Variants in PTPRD observed in about 807,000 individuals in gnomAD.
PTPRD encodes the protein receptor-type tyrosine-protein phosphatase delta.
A neutral mutation model predicts 214.5 loss-of-function variants in PTPRD; 34 were observed. The ratio of observed to expected loss-of-function variants is 0.16; its 90% CI spans 0.12 to 0.21. PTPRD has a LOEUF of 0.21. Among genes scored for constraint, PTPRD ranks in the 10% least tolerant of loss-of-function variants. PTPRD has a pLI of 1.00. For synonymous variants in PTPRD, 1,128 were observed against 845.7 expected (o/e 1.33, Z -5.79); for missense variants, 2,545 against 2,398.7 (o/e 1.06, Z -1.27).
At chr9:8,595,115 G>A (rs1226429309) in intron 14 of PTPRD, among the ~76,000 whole-genome samples, 5 of 150,458 alleles carry the variant, frequency 3.3e-5, no homozygotes, top group South Asian at 2.1e-4. Flanking sequence ...TGCCCGCCTC[G>A]GCCTCCCAAA....
intron 2 of PTPRD, among the ~76,000 whole-genome samples, chr9:10,396,532 G>A (rs2098173794): frequency 6.6e-6 from 1 of 151,824 alleles, no homozygotes; most frequent in Non-Finnish European, 1.5e-5. Flanking sequence ...TTCAAAACTA[G>A]CTTTAATCCT....
At chr9:9,047,047 C>T (rs976295917) in intron 10 of PTPRD, among the ~76,000 whole-genome samples, 2 of 151,878 alleles carry the variant, frequency 1.3e-5, no homozygotes, top group African/African-American at 4.8e-5. Context: ...GCTATTAAAA[C>T]TGATAAATTC....
intron 3 of PTPRD, among the ~76,000 whole-genome samples, chr9:10,081,793 T>G (rs1229882071): frequency 1.3e-5 from 2 of 152,084 alleles, no homozygotes; most frequent in African/African-American, 4.8e-5. Context: ...AGTTTCTAAA[T>G]CCACCAATTT....
chr9:8,946,663 G>A (rs2099066494), intron 11 of PTPRD, among the ~76,000 whole-genome samples: 2 of 152,096 alleles, frequency 1.3e-5, no homozygotes, highest in Non-Finnish European at 2.9e-5. Flanking sequence ...GGACCAGGGA[G>A]TGCAGTCTCT....
chr9:10,523,601 G>GTATAGATATATATATATATATATA (rs2053141045), intron 2 of PTPRD, among the ~76,000 whole-genome samples: 1 of 64,336 alleles, frequency 1.6e-5, no homozygotes, highest in Non-Finnish European at 3.2e-5. Flanking sequence ...ATATTTATCT[G>GTATAGATATATATATATATATATA]TATATATATA....
At chr9:10,451,756 G>T (rs968750102) in intron 2 of PTPRD, among the ~76,000 whole-genome samples, 1 of 151,912 alleles carries the variant, frequency 6.6e-6, no homozygotes, top group African/African-American at 2.4e-5. Context: ...TTTTCAATTA[G>T]AAATTAGGCT....
chr9:8,321,489 A>G (rs4008211), intron 44 of PTPRD, among the ~76,000 whole-genome samples: 445 of 34,326 alleles, frequency 0.013, no homozygotes, highest in East Asian at 0.021. Flanking sequence ...GTGTGTGTGT[A>G]TATATATATA....
In PTPRD at chr9:9,818,748, T is replaced by A. The variant is rs944654524; in HGVS notation, c.-367-51897A>T. 1.3e-5 allele frequency among the ~76,000 whole-genome samples: 2 copies of A among 151,714 alleles called. 1 individual carries two copies. Among genetic ancestry groups the A allele is most frequent in the Non-Finnish European group, 2.9e-5 (2 of 67,922 alleles). ...CTGGCTGACATGGTGAAATCCAGTCTCTACTAAAAATACAAAAAGTAGCTG... is the reference window on the plus strand; with the variant it reads ...CTGGCTGACATGGTGAAATCCAGTCACTACTAAAAATACAAAAAGTAGCTG... On this transcript the variant is annotated intron_variant, in intron 5 of 45. Coordinates refer to ENST00000381196, the MANE Select transcript of PTPRD (RefSeq NM_002839.4).
At chr9:8,945,910 A>G (rs901999752) in intron 11 of PTPRD, among the ~76,000 whole-genome samples, 2 of 152,182 alleles carry the variant, frequency 1.3e-5, no homozygotes, top group African/African-American at 2.4e-5. Context: ...GGTTTACATT[A>G]AAGTCATATT....
intron 10 of PTPRD, among the ~76,000 whole-genome samples, chr9:9,092,016 C>T (rs911388305): frequency 5.9e-5 from 9 of 152,118 alleles, no homozygotes; most frequent in African/African-American, 2.2e-4. Context: ...CTTTGGGGTT[C>T]TTCTCCAGAG....
intron 9 of PTPRD, among the ~76,000 whole-genome samples, chr9:9,351,155 G>A (rs569813391): frequency 2.2e-4 from 34 of 152,086 alleles, no homozygotes; most frequent in African/African-American, 7.7e-4. Context: ...TTTCTTAGAA[G>A]GGCTGTTAAC....
chr9:9,754,373 C>G (rs769910595), intron 6 of PTPRD, among the ~76,000 whole-genome samples: 5 of 152,006 alleles, frequency 3.3e-5, no homozygotes, highest in Non-Finnish European at 7.4e-5. Context: ...GTTGAGAAAA[C>G]TACTGTTCAA....
intron 5 of PTPRD, among the ~76,000 whole-genome samples, chr9:9,845,325 T>A (rs1481145521): frequency 2.0e-5 from 3 of 151,340 alleles, no homozygotes; most frequent in Non-Finnish European, 4.4e-5. Context: ...CAAAAATGCT[T>A]ATCTGACATA....
chr9:9,905,483 C>G (rs2077339118), intron 5 of PTPRD, among the ~76,000 whole-genome samples: 2 of 151,832 alleles, frequency 1.3e-5, no homozygotes, highest in Admixed American at 6.6e-5. Context: ...AAACTTGGCT[C>G]TACATACCTA....
intron 6 of PTPRD, among the ~76,000 whole-genome samples, chr9:9,735,096 G>A (rs2098270332): frequency 6.6e-6 from 1 of 152,060 alleles, no homozygotes; most frequent in South Asian, 2.1e-4. Flanking sequence ...ATTTTTAAAT[G>A]ATACTAAAAT....
intron 10 of PTPRD, among the ~76,000 whole-genome samples, chr9:9,172,734 A>G (rs1299488881): frequency 6.6e-6 from 1 of 152,130 alleles, no homozygotes; most frequent in South Asian, 2.1e-4. Context: ...TTGCACATCC[A>G]GGTAGCTCTA....
chr9:9,613,131 CATACATATATAT>C lies in PTPRD; in HGVS notation c.-286-38362_-286-38351del, dbSNP rs1181652801. Among the ~76,000 whole-genome samples the C allele has an allele frequency of 4.7e-3, 193 of 40,904 alleles. 7 individuals are homozygous for C. Among genetic ancestry groups the C allele is most frequent in the East Asian group, 0.019 (15 of 788 alleles). The allele number at this position is 40,904 out of a possible 152,430, so 26.8% of individuals were successfully genotyped here. On this transcript the variant is annotated intron_variant, in intron 7 of 45. Coordinates refer to ENST00000381196, the MANE Select transcript of PTPRD (RefSeq NM_002839.4). ...TAATAGCTAGGCTGCAGTATACATA[CATACATATATAT>C]ATATATATATATATATATATATATA... is the stretch of plus-strand genomic sequence containing the variant.
At chr9:9,908,976 G>A (rs759865955) in intron 5 of PTPRD, among the ~76,000 whole-genome samples, 13 of 151,748 alleles carry the variant, frequency 8.6e-5, no homozygotes, top group Non-Finnish European at 1.9e-4. Flanking sequence ...TATAGCAAGT[G>A]GTTTAAAATT....
intron 5 of PTPRD, among the ~76,000 whole-genome samples, chr9:9,814,116 G>A (rs1768867): frequency 5.3e-5 from 8 of 151,890 alleles, no homozygotes; most frequent in Non-Finnish European, 1.2e-4. Context: ...ATAAAACTCT[G>A]AAGAATTTAG....
Sources: gnomAD v4.1 joint callset for allele counts (sites outside exome capture counted in the v4.1 genomes callset) on GRCh38, gnomAD v4.1.1 for gene constraint, MANE v1.5 for transcripts, NCBI Gene and HGNC (gene_info 2026-07-23, HGNC 2026-07-21) for gene names.